The following FARSB variants were observed in gnomAD, a reference collection of about 807,000 sequenced individuals.
FARSB encodes phenylalanine--tRNA ligase beta subunit.
FARSB carries 40 observed loss-of-function variants against 69.6 expected under a neutral mutation model. The ratio of observed to expected loss-of-function variants is 0.57; its 90% CI spans 0.45 to 0.75. The LOEUF is 0.75. Among genes scored for constraint, FARSB ranks in the 30% least tolerant of loss-of-function variants. The probability of loss-of-function intolerance (pLI) is 0.00; values close to 1 mark genes in which losing one functional copy is unlikely to be tolerated. For synonymous variants in FARSB, 235 were observed against 247.2 expected (o/e 0.95, Z 0.46); for missense variants, 632 against 722.9 (o/e 0.87, Z 1.44).
At chr2:222,619,117 G>A (rs1283679872) in intron 14 of FARSB, among the ~76,000 whole-genome samples, 1 of 151,582 alleles carries the variant, frequency 6.6e-6, no homozygotes, top group Non-Finnish European at 1.5e-5. Flanking sequence ...ACTCCAGCCT[G>A]GGCGACAGAG....
intron 15 of FARSB, among the ~76,000 whole-genome samples, chr2:222,613,046 C>T (rs1017822310): frequency 6.6e-6 from 1 of 152,146 alleles, no homozygotes; most frequent in Admixed American, 6.5e-5. Flanking sequence ...TAAATCACGC[C>T]ATATAAGAAA....
At chr2:222,630,062 G>C (rs757054935) in intron 9 of FARSB, 51 bp downstream of exon 9, 60 of 1,118,700 alleles carry the variant, frequency 5.4e-5, no homozygotes, top group East Asian at 1.3e-4. Context: ...TTAGCACAAA[G>C]CCTCGCCTTC....
At position 222,568,012 on chromosome 2, in the gene FARSB, G is replaced by A. The variant is rs1270149677; in HGVS notation, c.*3859C>T. On this transcript the variant is annotated 3_prime_UTR_variant, in exon 17 of 17. Coordinates refer to ENST00000281828, the MANE Select transcript of FARSB (RefSeq NM_005687.5). This position sits in a 1 kb window ranked among gnomAD's most constrained non-coding sequence, Gnocchi z 4.3. ...AAAAATGGGGCATATTAAGTGAAAT[G>A]TCATGAGATATATGTAAAATAAAAA... 6.6e-6 allele frequency: 1 copy of A among 152,200 alleles called. No individual in the cohort carries two copies. Among genetic ancestry groups the A allele is most frequent in the Non-Finnish European group, 1.5e-5 (1 of 68,024 alleles). The allele number at this position is 152,200 out of a possible 1,614,324, so 9.4% of individuals were successfully genotyped here. A position where few individuals can be genotyped will look rare whatever the true frequency, so the allele number is the denominator to read the frequency against.
intron 16 of FARSB, among the ~76,000 whole-genome samples, chr2:222,586,436 G>A (rs1044388934): frequency 1.1e-4 from 17 of 152,158 alleles, no homozygotes; most frequent in African/African-American, 4.1e-4. Context: ...TTGATGTTAG[G>A]AATAAACTGC....
intron 4 of FARSB, 119 bp from the exon 5 acceptor site, chr2:222,639,814 T>C: frequency 4.8e-6 from 2 of 414,766 alleles, no homozygotes; most frequent in Admixed American, 4.3e-5. Context: ...AACAAGTATA[T>C]ATTAATTTAT....
intron 16 of FARSB, among the ~76,000 whole-genome samples, chr2:222,579,281 C>T (rs1176284582): frequency 6.6e-6 from 1 of 152,160 alleles, no homozygotes; most frequent in Non-Finnish European, 1.5e-5. Context: ...CTGTCCATTT[C>T]GTGTTTACAA....
At chr2:222,620,563 A>G (rs1172567042) in intron 13 of FARSB, among the ~76,000 whole-genome samples, 7 of 152,262 alleles carry the variant, frequency 4.6e-5, no homozygotes. Flanking sequence ...CTAATAATAA[A>G]TGATATAATG....
At chr2:222,613,206 T>C (rs546814836) in intron 15 of FARSB, among the ~76,000 whole-genome samples, 9 of 152,356 alleles carry the variant, frequency 5.9e-5, no homozygotes, top group Admixed American at 3.3e-4. Context: ...AAATTAATCA[T>C]GAAAATTAAA....
chr2:222,632,852 A>C (rs1006325203), intron 7 of FARSB, among the ~76,000 whole-genome samples: 2 of 151,748 alleles, frequency 1.3e-5, no homozygotes, highest in East Asian at 1.9e-4. Flanking sequence ...AAAAAAAAAA[A>C]CAAAAGAAAA....
At chr2:222,605,228 G>A (rs1690674453) in intron 15 of FARSB, among the ~76,000 whole-genome samples, 1 of 140,998 alleles carries the variant, frequency 7.1e-6, no homozygotes, top group African/African-American at 2.7e-5. Context: ...TCCCTCTGAA[G>A]GGAAAAAAAT....
chr2:222,572,097 C>A, intron 16 of FARSB, 75 bp from the exon 17 acceptor site: 1 of 1,257,484 alleles, frequency 8.0e-7, no homozygotes, highest in East Asian at 2.5e-5. Flanking sequence ...CACTAAAAGC[C>A]CACTAGTCTA....
intron 16 of FARSB, among the ~76,000 whole-genome samples, chr2:222,580,208 C>T (rs986346114): frequency 6.6e-6 from 1 of 151,974 alleles, no homozygotes; most frequent in African/African-American, 2.4e-5. Flanking sequence ...ATTCACGTGT[C>T]TAAAGACATT....
intron 16 of FARSB, among the ~76,000 whole-genome samples, chr2:222,577,102 G>A (rs1240925652): frequency 1.3e-5 from 2 of 152,018 alleles, no homozygotes; most frequent in African/African-American, 2.4e-5. Context: ...AAAGGTTTAG[G>A]AATATGAGGA....
chr2:222,589,261 G>A (rs964137237), intron 16 of FARSB, among the ~76,000 whole-genome samples: 13 of 152,164 alleles, frequency 8.5e-5, no homozygotes, highest in Admixed American at 3.9e-4. Context: ...AAAAAATGGG[G>A]AAAGGATTCC....
intron 16 of FARSB, among the ~76,000 whole-genome samples, chr2:222,591,296 G>A (rs1226214680): frequency 2.0e-5 from 3 of 152,028 alleles, no homozygotes; most frequent in South Asian, 2.1e-4. Flanking sequence ...TTTTAAGTCG[G>A]TGTTAATGAA....
rs574690164 is a variant in FARSB, at chr2:222,647,038, C to A, written c.114+1702G>T. Among the ~76,000 whole-genome samples the A allele has an allele frequency of 2.0e-5, 3 of 152,326 alleles. No homozygotes were observed. In the South Asian group the frequency reaches 6.2e-4, roughly 32 times the overall value. On this transcript the variant is annotated intron_variant, in intron 2 of 16. Transcript: ENST00000281828. ...AAAACCTGATTATGCTTCTTACACA[C>A]ATGCTTCTCTTCCTGCCTCTTCCTC... is the stretch of plus-strand genomic sequence containing the variant.
At chr2:222,609,214 G>C (rs770119226) in intron 15 of FARSB, among the ~76,000 whole-genome samples, 11 of 152,176 alleles carry the variant, frequency 7.2e-5, no homozygotes, top group Non-Finnish European at 1.5e-5. Context: ...TTAAGAAAAA[G>C]CCTGAATATT....
Position 222,624,790 on chromosome 2 carries a change from G to A in FARSB, c.901-15C>T, listed in dbSNP as rs752333492. 3.3e-5 allele frequency: 50 copies of A among 1,519,776 alleles called. No individual in the cohort carries two copies. The highest frequency in any genetic ancestry group is 1.3e-4 in the Admixed American group (7 of 55,736). 94.1% of individuals were successfully genotyped at this position (1,519,776 alleles called of 1,614,324 possible). On this transcript the variant is annotated splice_polypyrimidine_tract_variant and intron_variant, in intron 10 of 16. Transcript: ENST00000281828. ...TAAGCTAATTCCTTAAATAGAAAGAGTTTAAAAAGTAAATCATTTCCCATC... is the reference window on the plus strand; with the variant it reads ...TAAGCTAATTCCTTAAATAGAAAGAATTTAAAAAGTAAATCATTTCCCATC...
At chr2:222,648,031 G>A (rs1256396401) in intron 2 of FARSB, among the ~76,000 whole-genome samples, 1 of 152,100 alleles carries the variant, frequency 6.6e-6, no homozygotes, top group African/African-American at 2.4e-5. Context: ...AACTTATGCT[G>A]GAGCAGATGG....
Sources: allele counts gnomAD v4.1 joint callset (sites outside exome capture counted in the v4.1 genomes callset), GRCh38; gene constraint gnomAD v4.1.1; non-coding constraint Gnocchi (gnomAD v3.1); transcripts MANE v1.5; gene names NCBI Gene and HGNC (gene_info 2026-07-23, HGNC 2026-07-21).